FRYL: variants seen among roughly 807,000 people sequenced by gnomAD.
FRYL encodes the protein protein furry homolog-like.
In FRYL, 150 loss-of-function variants were observed where a neutral mutation model predicts 351.2. The observed-to-expected ratio is 0.43, with a 90% CI of 0.37 to 0.49. The LOEUF is 0.49. Among genes scored for constraint, FRYL ranks in the 20% least tolerant of loss-of-function variants. The pLI, the probability that FRYL is intolerant of heterozygous loss-of-function variation, is 0.00. For synonymous variants in FRYL, 1,153 were observed against 1,257.1 expected, an observed-to-expected ratio of 0.92 and a Z score of 1.75; for missense variants, 3,036 against 3,619.3, an observed-to-expected ratio of 0.84 and a Z score of 4.13.
chr4:48,521,299 G>A (rs1577919955), intron 54 of FRYL, 84 bp from the exon 55 acceptor site: 1 of 987,746 alleles, frequency 1.0e-6, no homozygotes, highest in African/African-American at 1.7e-5. Flanking sequence ...ATATTTTAGG[G>A]GCTTCGTTAT....
chr4:48,557,458 C>T lies in FRYL; in HGVS notation c.4120G>A (p.Ala1374Thr), dbSNP rs747110711. The T allele has an allele frequency of 1.9e-6, 3 of 1,613,798 alleles. No homozygotes were observed. Among genetic ancestry groups the T allele is most frequent in the Non-Finnish European group, 1.7e-6 (2 of 1,179,870 alleles). Residue 1374 changes from alanine to threonine, a missense_variant, in exon 34 of 64, where the codon GCA becomes ACA. By Grantham distance (58) the Ala-to-Thr change is moderately conservative. This residue lies in a region of FRYL where 1,987 missense variants were observed against 2,311.7 expected (regional missense o/e 0.86). Coordinates refer to ENST00000358350, the MANE Select transcript of FRYL (RefSeq NM_015030.2). ...AAATACAAAACTCATTTTACCTTTG[C>T]TGTCATATACATCAGATTGTTCAAA... is the stretch of plus-strand genomic sequence containing the variant. Reference protein sequence around the residue: ...MVLNNLMYMTAKYGDELAWSE... With the variant: ...MVLNNLMYMTTKYGDELAWSE...
intron 41 of FRYL, 154 bp downstream of exon 41, chr4:48,547,430 A>T (rs1416958052): frequency 2.3e-6 from 1 of 436,160 alleles, no homozygotes; most frequent in African/African-American, 2.0e-5. Flanking sequence ...TTCTTTTATT[A>T]GCAAATAATT....
intron 2 of FRYL, among the ~76,000 whole-genome samples, chr4:48,700,718 C>T (rs974591658): frequency 6.6e-6 from 1 of 151,868 alleles, no homozygotes; most frequent in African/African-American, 2.4e-5. Context: ...GGGAGGATCG[C>T]TTGAGCCCAG....
rs1732447599 is a variant in FRYL, at chr4:48,550,425, T to G, written c.4633+167A>C. 3 of 563,396 alleles carry G rather than the reference T, an allele frequency of 5.3e-6. No individual in the cohort carries two copies. The Admixed American group carries it at 9.1e-5, about 17-fold the overall frequency. 34.9% of individuals were successfully genotyped at this position (563,396 alleles called of 1,614,324 possible). ...TTAAAAAAAATTTCACCCAATTACG[T>G]TGCTTCTTAAAATCAAGATGTTTCA... On this transcript the variant is annotated intron_variant, in intron 38 of 63. Transcript: ENST00000358350.
intron 1 of FRYL, among the ~76,000 whole-genome samples, chr4:48,770,794 C>T (rs1370956910): frequency 6.6e-6 from 1 of 152,120 alleles, no homozygotes; most frequent in African/African-American, 2.4e-5. Flanking sequence ...TAAGCATACA[C>T]ATATTGGGAA....
At chr4:48,572,954 T>C (rs1738675833) in intron 26 of FRYL, among the ~76,000 whole-genome samples, 1 of 152,224 alleles carries the variant, frequency 6.6e-6, no homozygotes, top group Admixed American at 6.5e-5. Context: ...AGAAAAAGTT[T>C]GCCAACTCCA....
intron 45 of FRYL, 66 bp from the exon 46 acceptor site, chr4:48,541,026 T>A (rs1730026492): frequency 2.9e-6 from 4 of 1,401,986 alleles, no homozygotes. Flanking sequence ...TAATTTTACT[T>A]CTGAAAACAC....
At chr4:48,623,618 G>C (rs151104249) in intron 4 of FRYL, among the ~76,000 whole-genome samples, 2 of 152,080 alleles carry the variant, frequency 1.3e-5, no homozygotes, top group African/African-American at 2.4e-5. Context: ...TGTGACCTCC[G>C]ACCTGACTAC....
chr4:48,665,672 G>A (rs1193585568), intron 3 of FRYL, among the ~76,000 whole-genome samples: 6 of 152,166 alleles, frequency 3.9e-5, no homozygotes, highest in African/African-American at 4.8e-5. Context: ...GGAACAGAAC[G>A]AGTAAAATTC....
chr4:48,705,260 T>C (rs1255915118), intron 2 of FRYL, among the ~76,000 whole-genome samples: 1 of 151,944 alleles, frequency 6.6e-6, no homozygotes, highest in Non-Finnish European at 1.5e-5. Context: ...CCATTTATAA[T>C]GGTATATTAT....
chr4:48,550,636 G>A lies in FRYL; in HGVS notation c.4589C>T (p.Ser1530Phe). Residue 1530 changes from serine to phenylalanine, a missense_variant, in exon 38 of 64, where the codon TCC becomes TTC. Physicochemically the swap from Ser to Phe is radical, Grantham distance 155. This residue lies in a region of FRYL where 1,987 missense variants were observed against 2,311.7 expected (regional missense o/e 0.86). Transcript: ENST00000358350. ...HLNRQHHRLESRYSSSSGGSY... is the reference protein window; with the variant it reads ...HLNRQHHRLEFRYSSSSGGSY... The stretch of plus-strand genomic sequence containing the variant: ...TCCTCCAGAGCTGCTACTGTATCGG[G>A]ATTCTAGTCTGTGATGTTGCCGATT... The A allele has an allele frequency of 6.2e-7, 1 of 1,613,842 alleles. No homozygotes were observed.
intron 1 of FRYL, among the ~76,000 whole-genome samples, chr4:48,758,543 A>G (rs2109359602): frequency 6.6e-6 from 1 of 152,362 alleles, no homozygotes; most frequent in South Asian, 2.1e-4. Flanking sequence ...ACCATCTCAC[A>G]CCAGTTAGAA....
In FRYL at chr4:48,540,725, T is replaced by C; in HGVS notation, c.5923A>G (p.Arg1975Gly). The C allele has an allele frequency of 6.2e-7, 1 of 1,614,102 alleles. No individual in the cohort carries two copies. The highest frequency in any genetic ancestry group is 8.5e-7 in the Non-Finnish European group (1 of 1,179,962). The change falls in exon 46 of 64, where the codon AGG (arginine) becomes GGG (glycine). Residue 1975 changes from arginine to glycine, a missense_variant. This residue lies in a region of FRYL where 1,987 missense variants were observed against 2,311.7 expected (regional missense o/e 0.86). Coordinates refer to ENST00000358350, the MANE Select transcript of FRYL (RefSeq NM_015030.2). ...GRINHSSSLA[R>G]TRSLSSLREK... Reference sequence around the variant, plus strand: ...CTTAGAGAGGAAAGGCTTCTAGTCCTTGCTAAACTACTGCTATGGTTTATC... The same window carrying C: ...CTTAGAGAGGAAAGGCTTCTAGTCCCTGCTAAACTACTGCTATGGTTTATC...
intron 3 of FRYL, among the ~76,000 whole-genome samples, chr4:48,665,098 T>C (rs1761478409): frequency 6.6e-6 from 1 of 152,254 alleles, no homozygotes; most frequent in African/African-American, 2.4e-5. Context: ...AACTAAGCTC[T>C]GTAATTTGGG....
intron 7 of FRYL, chr4:48,618,954 A>G (rs1486104700): frequency 9.2e-6 from 2 of 216,728 alleles, no homozygotes; most frequent in Non-Finnish European, 1.8e-5. Context: ...AATAAAGTGG[A>G]ATAAGGGACT....
intron 3 of FRYL, among the ~76,000 whole-genome samples, chr4:48,674,179 A>T (rs1035334916): frequency 6.6e-6 from 1 of 152,198 alleles, no homozygotes; most frequent in African/African-American, 2.4e-5. Context: ...CCAATCCGAG[A>T]CATAGAAGGA....
In FRYL at chr4:48,704,551, G is replaced by A. The variant is rs575826200; in HGVS notation, c.-204+5968C>T. On this transcript the variant is annotated intron_variant, in intron 2 of 63. Transcript: ENST00000358350. The stretch of plus-strand genomic sequence containing the variant: ...CACAAGGCTGGGCATGGTGACTCAC[G>A]TCTGTAATCCCAGCACATTGGGAGG... 1.6e-4 allele frequency among the ~76,000 whole-genome samples: 24 copies of A among 151,778 alleles called. No individual in the cohort carries two copies. The South Asian group carries it at 4.6e-3, about 29-fold the overall frequency.
chr4:48,641,430 G>T (rs1311143365), intron 3 of FRYL, among the ~76,000 whole-genome samples: 2 of 152,062 alleles, frequency 1.3e-5, no homozygotes, highest in Non-Finnish European at 2.9e-5. Context: ...CAAGTAATAT[G>T]CTGGTAAATG....
chr4:48,602,172 T>A (rs1237268171), intron 12 of FRYL, 51 bp from the exon 13 acceptor site: 1 of 917,658 alleles, frequency 1.1e-6, no homozygotes, highest in South Asian at 1.4e-5. Context: ...CGAAAAGCAC[T>A]GGACTTTTAA....
Sources: gnomAD v4.1 joint callset for allele counts (sites outside exome capture counted in the v4.1 genomes callset) on GRCh38, gnomAD v4.1.1 for gene constraint, gnomAD v4.1.1 regional missense constraint, MANE v1.5 for transcripts, NCBI Gene and HGNC (gene_info 2026-07-23, HGNC 2026-07-21) for gene names.